Variants in CRISPLD2 observed in about 807,000 individuals in gnomAD.
CRISPLD2 encodes cysteine rich secretory protein LCCL domain containing 2.
In CRISPLD2, 47 loss-of-function variants were observed where a neutral mutation model predicts 71.1. That is an observed-to-expected ratio of 0.66 (90% CI 0.52 to 0.84). The LOEUF (loss-of-function observed/expected upper bound fraction) is 0.84. Ranked by LOEUF, CRISPLD2 falls within the 40% of genes least tolerant of loss-of-function variation. The pLI is 0.00. For synonymous variants in CRISPLD2, 317 were observed against 250.1 expected, an observed-to-expected ratio of 1.27 and a Z score of -2.52; for missense variants, 830 against 651.1, an observed-to-expected ratio of 1.27 and a Z score of -2.99.
At chr16:84,839,362 C>T (rs538608001) in intron 2 of CRISPLD2, 2 of 225,250 alleles carry the variant, frequency 8.9e-6, no homozygotes, top group East Asian at 1.2e-4. Context: ...ATGCTGATCT[C>T]AGCTGTGCCA....
At position 84,907,347 on chromosome 16, in the gene CRISPLD2, A is replaced by C. The variant is rs1335897381; in HGVS notation, c.*705A>C. 1 of 152,558 alleles carries C rather than the reference A, an allele frequency of 6.6e-6. No homozygotes were observed. The highest frequency in any genetic ancestry group is 1.5e-5 in the Non-Finnish European group (1 of 68,346). 9.5% of individuals were successfully genotyped at this position (152,558 alleles called of 1,614,324 possible). On this transcript the variant is annotated 3_prime_UTR_variant, in exon 15 of 15. Transcript: ENST00000262424. ...GTAGAGTTCAGCAGTCACTTCAGAGATGTATCTTGTCTTTGTCAGGCCCTT... is the reference window on the plus strand; with the variant it reads ...GTAGAGTTCAGCAGTCACTTCAGAGCTGTATCTTGTCTTTGTCAGGCCCTT...
At chr16:84,873,160 T>C (rs2071486964) in intron 10 of CRISPLD2, 38 bp downstream of exon 10, 1 of 1,597,100 alleles carries the variant, frequency 6.3e-7, no homozygotes, top group East Asian at 2.3e-5. Flanking sequence ...GAAACGGTTT[T>C]CCTGTTTATG....
In CRISPLD2 at chr16:84,873,913, TA is replaced by T. The variant is rs1397868806; in HGVS notation, c.1113-4del. Reference sequence around the variant, plus strand: ...TGCCCGTTTTTTTTTTTTTTTTTTTTAAACAGCAAATACAAACCTTCCAGCT... The same window carrying T: ...TGCCCGTTTTTTTTTTTTTTTTTTTTAACAGCAAATACAAACCTTCCAGCT... On this transcript the variant is annotated splice_region_variant and splice_polypyrimidine_tract_variant and intron_variant, in intron 10 of 14. Transcript: ENST00000262424. 21 of 1,444,656 alleles carry T rather than the reference TA, an allele frequency of 1.5e-5. No homozygotes were observed. The highest frequency in any genetic ancestry group is 1.0e-4 in the African/African-American group (6 of 59,552). 89.5% of individuals were successfully genotyped at this position (1,444,656 alleles called of 1,614,324 possible).
At chr16:84,839,404 AG>A (rs1916712935) in intron 2 of CRISPLD2, 1 of 178,994 alleles carries the variant, frequency 5.6e-6, no homozygotes, top group Non-Finnish European at 1.2e-5. Flanking sequence ...ACTTCTCCTT[AG>A]CCCGTGTGAG....
At chr16:84,831,555 C>T (rs971164729) in intron 1 of CRISPLD2, among the ~76,000 whole-genome samples, 2 of 151,264 alleles carry the variant, frequency 1.3e-5, no homozygotes, top group African/African-American at 2.4e-5. Flanking sequence ...TGGCACCGTG[C>T]TTGGCTAATT....
At chr16:84,822,065 G>A (rs867777077) in intron 1 of CRISPLD2, among the ~76,000 whole-genome samples, 4 of 152,314 alleles carry the variant, frequency 2.6e-5, no homozygotes, top group Non-Finnish European at 2.9e-5. Context: ...GGCTTTCTGT[G>A]CCATGTGGGA....
chr16:84,827,047 G>C (rs1237144909), intron 1 of CRISPLD2, among the ~76,000 whole-genome samples: 1 of 152,036 alleles, frequency 6.6e-6, no homozygotes, highest in African/African-American at 2.4e-5. Flanking sequence ...CTCTGTACCG[G>C]CAGAGAGATT....
In CRISPLD2 at chr16:84,848,598, G is replaced by A. The variant is rs564597985; in HGVS notation, c.360-787G>A. Among the ~76,000 whole-genome samples the A allele has an allele frequency of 4.6e-5, 7 of 152,156 alleles. No homozygotes were observed. In the South Asian group the frequency reaches 8.3e-4, roughly 18 times the overall value. On this transcript the variant is annotated intron_variant, in intron 3 of 14. Transcript: ENST00000262424. The stretch of plus-strand genomic sequence containing the variant: ...GCAGATTACAGGCATGCACCACCTC[G>A]CCCGGCTAATTTTTGTATTTTTAGT...
chr16:84,894,587 T>C (rs2071690021), intron 14 of CRISPLD2, among the ~76,000 whole-genome samples: 1 of 152,100 alleles, frequency 6.6e-6, no homozygotes, highest in Non-Finnish European at 1.5e-5. Context: ...AGCAGAGATA[T>C]GATGTGAGCA....
chr16:84,862,198 T>G (rs775311902), intron 6 of CRISPLD2, among the ~76,000 whole-genome samples: 9 of 152,036 alleles, frequency 5.9e-5, no homozygotes, highest in Admixed American at 2.6e-4. Context: ...GGTGCGATTT[T>G]CTACCTAGTT....
chr16:84,871,870 G>GAA (rs56328159), intron 8 of CRISPLD2, among the ~76,000 whole-genome samples: 12 of 100,042 alleles, frequency 1.2e-4, no homozygotes, highest in East Asian at 5.6e-4. Flanking sequence ...TTTCAAATGA[G>GAA]AAAAAAAAAA....
In CRISPLD2 at chr16:84,889,241, C is replaced by T. The variant is rs772176109; in HGVS notation, c.1317C>T (p.Ile439=). The T allele has an allele frequency of 4.3e-6, 7 of 1,614,004 alleles. No individual in the cohort carries two copies. In the African/African-American group the frequency reaches 8.0e-5, roughly 18 times the overall value. The change falls in exon 14 of 15, where the codon ATC becomes ATT. Residue 439 remains isoleucine, a synonymous_variant. Transcript: ENST00000262424. Reference sequence around the variant, plus strand: ...TCCTGTGCTTCCAGACCTCAAGCATCTGCAAGACAGCCGTGCACGCGGGAG... The same window carrying T: ...TCCTGTGCTTCCAGACCTCAAGCATTTGCAAGACAGCCGTGCACGCGGGAG... ...GTNIYADTSS[I]CKTAVHAGVI...
intron 11 of CRISPLD2, 60 bp downstream of exon 11, chr16:84,874,023 A>C (rs551780944): frequency 7.0e-7 from 1 of 1,426,154 alleles, no homozygotes; most frequent in East Asian, 2.3e-5. Flanking sequence ...TTTTCCTGGA[A>C]ATTTCACTTC....
At chr16:84,835,392 A>G (rs1011313337) in intron 1 of CRISPLD2, among the ~76,000 whole-genome samples, 1 of 152,058 alleles carries the variant, frequency 6.6e-6, no homozygotes, top group African/African-American at 2.4e-5. Flanking sequence ...GCCTATGGTT[A>G]CTTTTCTGCT....
chr16:84,887,120 C>T (rs1210055806), intron 13 of CRISPLD2, among the ~76,000 whole-genome samples: 3 of 152,314 alleles, frequency 2.0e-5, no homozygotes, highest in East Asian at 3.9e-4. Context: ...GAACCAGTGG[C>T]TGGGACTTCA....
chr16:84,867,437 C>T (rs964008755), intron 7 of CRISPLD2, among the ~76,000 whole-genome samples: 1 of 152,236 alleles, frequency 6.6e-6, no homozygotes, highest in Admixed American at 6.5e-5. Context: ...TGGGTCTGGA[C>T]TCAGTTGGCG....
At position 84,863,337 on chromosome 16, in the gene CRISPLD2, C is replaced by G. The variant is rs187747864; in HGVS notation, c.710-3560C>G. On this transcript the variant is annotated intron_variant, in intron 6 of 14. Transcript: ENST00000262424. ...TATCCAACTTTCCTTGGCAGACACC[C>G]AATTTCTCTAGCTAAGCACGCAGCA... is the stretch of plus-strand genomic sequence containing the variant. Among the ~76,000 whole-genome samples the G allele has an allele frequency of 1.7e-3, 259 of 152,292 alleles. 4 individuals are homozygous for G. Among genetic ancestry groups the G allele is most frequent in the African/African-American group, 5.8e-3 (243 of 41,554 alleles).
At chr16:84,848,534 C>T (rs891152882) in intron 3 of CRISPLD2, among the ~76,000 whole-genome samples, 29 of 151,714 alleles carry the variant, frequency 1.9e-4, no homozygotes, top group African/African-American at 2.7e-4. Context: ...AAGCGATGAC[C>T]CCACGGAGGA....
At chr16:84,895,170 A>G (rs1195542303) in intron 14 of CRISPLD2, among the ~76,000 whole-genome samples, 4 of 152,178 alleles carry the variant, frequency 2.6e-5, no homozygotes, top group Non-Finnish European at 5.9e-5. Context: ...TCCCTATTTT[A>G]TCAGTAAAGG....
Sources: gnomAD v4.1 joint callset for allele counts (sites outside exome capture counted in the v4.1 genomes callset) on GRCh38, gnomAD v4.1.1 for gene constraint, MANE v1.5 for transcripts, NCBI Gene and HGNC (gene_info 2026-07-23, HGNC 2026-07-21) for gene names.